Variants in HEMK2 observed in about 807,000 individuals in gnomAD.
HEMK2 encodes the protein methyltransferase HEMK2.
the HEMK2 span, among the ~76,000 whole-genome samples, chr21:28,734,076 C>T: frequency 2.7e-5 from 4 of 147,518 alleles, no homozygotes; most frequent in Non-Finnish European, 6.0e-5. Flanking sequence ...CTATAGCAAT[C>T]AAACCTTCTA....
chr21:28,857,251 A>G, the HEMK2 span, among the ~76,000 whole-genome samples: 2 of 152,014 alleles, frequency 1.3e-5, no homozygotes, highest in Non-Finnish European at 2.9e-5. Flanking sequence ...AATTTTATTG[A>G]ATTTGATTAA....
the HEMK2 span, chr21:28,876,042 G>GT: frequency 1.1e-3 from 186 of 167,110 alleles, 1 homozygote; most frequent in Non-Finnish European, 1.7e-3. Flanking sequence ...GACAATGAAG[G>GT]TGTGTTGCTG....
chr21:28,750,681 AC>A, the HEMK2 span, among the ~76,000 whole-genome samples: 3 of 147,254 alleles, frequency 2.0e-5, no homozygotes, highest in Admixed American at 2.0e-4. Flanking sequence ...CTCCTGGGTG[AC>A]AGAGCAAGGC....
At chr21:28,869,219 T>A in the HEMK2 span, among the ~76,000 whole-genome samples, 4 of 152,242 alleles carry the variant, frequency 2.6e-5, no homozygotes, top group African/African-American at 2.4e-5. Context: ...GTTGAGGTGA[T>A]AATGTGTTAT....
At chr21:28,750,865 A>T in the HEMK2 span, among the ~76,000 whole-genome samples, 2 of 152,138 alleles carry the variant, frequency 1.3e-5, no homozygotes, top group Non-Finnish European at 2.9e-5. Flanking sequence ...TGGGCCTAAA[A>T]TGTTGTGATA....
At chr21:28,618,219 G>A in the HEMK2 span, among the ~76,000 whole-genome samples, 22 of 152,128 alleles carry the variant, frequency 1.4e-4, no homozygotes, top group Non-Finnish European at 2.5e-4. Context: ...CTTGAAATGC[G>A]ACTTAAGAAT....
the HEMK2 span, among the ~76,000 whole-genome samples, chr21:28,720,884 A>T: frequency 1.3e-5 from 2 of 152,198 alleles, no homozygotes; most frequent in Admixed American, 1.3e-4. Flanking sequence ...TCTTGAGCCC[A>T]ACCCTATTGC....
chr21:28,605,214 T>C, the HEMK2 span, among the ~76,000 whole-genome samples: 1 of 152,250 alleles, frequency 6.6e-6, no homozygotes, highest in South Asian at 2.1e-4. Context: ...ATTAGAATGC[T>C]GGTTGTTTTG....
chr21:28,578,628 A>C, the HEMK2 span, among the ~76,000 whole-genome samples: 2 of 152,186 alleles, frequency 1.3e-5, no homozygotes, highest in South Asian at 4.1e-4. Context: ...ACATTGGCTC[A>C]TTTGAATTAT....
the HEMK2 span, chr21:28,876,173 T>C: frequency 1.4e-5 from 5 of 354,118 alleles, no homozygotes; most frequent in Middle Eastern, 7.4e-4. Context: ...ATAATTTTTA[T>C]ATTTAAAATG....
At chr21:28,750,436 T>C in the HEMK2 span, among the ~76,000 whole-genome samples, 2 of 152,174 alleles carry the variant, frequency 1.3e-5, no homozygotes, top group South Asian at 4.2e-4. Flanking sequence ...CGGTGACTCA[T>C]ACCTGTAATC....
the HEMK2 span, among the ~76,000 whole-genome samples, chr21:28,877,172 A>C: frequency 7.5e-6 from 1 of 134,032 alleles, no homozygotes; most frequent in African/African-American, 2.7e-5. Context: ...GAAAGAAAGA[A>C]AGAAAGAGAG....
At chr21:28,673,731 A>G in the HEMK2 span, among the ~76,000 whole-genome samples, 2 of 114,744 alleles carry the variant, frequency 1.7e-5, no homozygotes, top group Non-Finnish European at 3.5e-5. Flanking sequence ...AAACTCAAAC[A>G]CTTAGCTCAC....
At chr21:28,882,896 G>C in the HEMK2 span, 1 of 899,626 alleles carries the variant, frequency 1.1e-6, no homozygotes, top group Non-Finnish European at 1.7e-6. Context: ...AATACTATAA[G>C]ATACATACTG....
At chr21:28,855,308 C>T in the HEMK2 span, among the ~76,000 whole-genome samples, 2 of 152,288 alleles carry the variant, frequency 1.3e-5, no homozygotes, top group East Asian at 3.9e-4. Flanking sequence ...ACAAGAAGAG[C>T]TAACTGTCCT....
At chr21:28,582,136 T>C in the HEMK2 span, among the ~76,000 whole-genome samples, 1 of 152,176 alleles carries the variant, frequency 6.6e-6, no homozygotes, top group African/African-American at 2.4e-5. Flanking sequence ...CTGAGGGTAA[T>C]GGAAACTGGA....
chr21:28,601,737 G>C, the HEMK2 span, among the ~76,000 whole-genome samples: 42 of 128,132 alleles, frequency 3.3e-4, 1 homozygote, highest in African/African-American at 1.1e-3. Context: ...TGTTTTTCTA[G>C]TTCCAAGAAC....
the HEMK2 span, among the ~76,000 whole-genome samples, chr21:28,714,079 T>C: frequency 6.6e-6 from 1 of 152,238 alleles, no homozygotes; most frequent in African/African-American, 2.4e-5. Context: ...AGAGTTGTCT[T>C]CATGTTAAGA....
At chr21:28,714,260 G>C in the HEMK2 span, among the ~76,000 whole-genome samples, 1 of 152,024 alleles carries the variant, frequency 6.6e-6, no homozygotes, top group African/African-American at 2.4e-5. Context: ...TTAGTTATTT[G>C]GCTTCCCATT....
Sources: gnomAD v4.1 joint callset for allele counts (sites outside exome capture counted in the v4.1 genomes callset) on GRCh38, gnomAD v4.1.1 for gene constraint, MANE v1.5 for transcripts, NCBI Gene and HGNC (gene_info 2026-07-23, HGNC 2026-07-21) for gene names.